UCKL1: variants seen among roughly 807,000 people sequenced by gnomAD.
UCKL1 encodes uridine-cytidine kinase-like 1.
Under a neutral mutation model 59.2 loss-of-function variants are expected in UCKL1, and 65 were observed. The ratio of observed to expected loss-of-function variants is 1.10; its 90% CI spans 0.90 to 1.35. UCKL1 has a LOEUF of 1.35. UCKL1 is among the 40% of genes most tolerant of loss of function. UCKL1 has a pLI of 0.00. For synonymous variants in UCKL1, 410 were observed against 323.1 expected, an observed-to-expected ratio of 1.27 and a Z score of -2.88; for missense variants, 703 against 784.3, an observed-to-expected ratio of 0.90 and a Z score of 1.24.
At position 63,944,666 on chromosome 20, in the gene UCKL1, G is replaced by A. The variant is rs758071475; in HGVS notation, c.723C>T (p.Asp241=). Residue 241 remains aspartate, a synonymous_variant, in exon 6 of 15, where the codon GAC becomes GAT. Coordinates refer to ENST00000354216, the MANE Select transcript of UCKL1 (RefSeq NM_017859.4). The part of the protein sequence containing the change: ...DIRLVRRLRR[D]ISERGRDIEG... ...CGATGTCCCGGCCGCGCTCACTGAT[G>A]TCCCGGCGCAGCCGCCGTACCAGGC... 2.5e-6 allele frequency: 4 copies of A among 1,612,772 alleles called. No individual in the cohort carries two copies. Among genetic ancestry groups the A allele is most frequent in the Non-Finnish European group, 3.4e-6 (4 of 1,179,956 alleles).
At chr20:63,954,639 A>T (rs2058259839) in intron 1 of UCKL1, 1 of 152,344 alleles carries the variant, frequency 6.6e-6, no homozygotes, top group Admixed American at 6.5e-5. Context: ...TGGCACAAGC[A>T]TCAGGACACA....
Position 63,940,966 on chromosome 20 carries a change from G to T in UCKL1, c.1100C>A (p.Ser367Tyr). Residue 367 changes from serine (S) to tyrosine (Y), a missense_variant, in exon 10 of 15, where the codon TCC becomes TAC. Around this residue, in one of 4 missense-constraint regions of UCKL1, gnomAD observed 156 missense variants for 185.6 expected, o/e 0.84. Transcript: ENST00000354216. ...GCTACGAACCTGAAAGGGCAGGAAG[G>T]AGAGCGCGTGCTCGATGAGCAGCCG... ...LMRLLIEHAL[S>Y]FLPFQDCVVQ... 6.6e-7 allele frequency: 1 copy of T among 1,524,438 alleles called. No individual in the cohort carries two copies. The highest frequency in any genetic ancestry group is 8.8e-7 in the Non-Finnish European group (1 of 1,134,272). The allele number at this position is 1,524,438 out of a possible 1,614,324, so 94.4% of individuals were successfully genotyped here. A position where few individuals can be genotyped will look rare whatever the true frequency, so the allele number is the denominator to read the frequency against.
intron 5 of UCKL1, among the ~76,000 whole-genome samples, chr20:63,945,049 C>A (rs1476701185): frequency 6.6e-6 from 1 of 152,174 alleles, no homozygotes; most frequent in African/African-American, 2.4e-5. Context: ...AGGAATCAGG[C>A]AGGAATGGGG....
At chr20:63,941,523 G>A (rs2054408868) in intron 8 of UCKL1, 2 of 394,440 alleles carry the variant, frequency 5.1e-6, no homozygotes, top group Non-Finnish European at 1.0e-5. Flanking sequence ...GAAGTGGGCC[G>A]GGCACAGGGC....
At chr20:63,956,125 G>C (rs1208364005) in intron 1 of UCKL1, 135 bp downstream of exon 1, 1 of 870,302 alleles carries the variant, frequency 1.1e-6, no homozygotes, top group African/African-American at 1.8e-5. Context: ...GCACGTGGGA[G>C]AACGGGGCGC....
At chr20:63,949,203 G>A (rs1357252387) in intron 1 of UCKL1, among the ~76,000 whole-genome samples, 1 of 152,184 alleles carries the variant, frequency 6.6e-6, no homozygotes, top group Non-Finnish European at 1.5e-5. Flanking sequence ...CTCGGCTCCG[G>A]AGATCGTTCT....
At chr20:63,944,117 G>A (rs894242222) in intron 7 of UCKL1, among the ~76,000 whole-genome samples, 1 of 152,224 alleles carries the variant, frequency 6.6e-6, no homozygotes, top group Non-Finnish European at 1.5e-5. Context: ...AAAAGCTCAG[G>A]CTGGGTGTGC....
In UCKL1 at chr20:63,946,602, C is replaced by G. The variant is rs146302159; in HGVS notation, c.155G>C (p.Gly52Ala). Residue 52 changes from glycine (G) to alanine (A), a missense_variant, in exon 2 of 15, where the codon GGC becomes GCC. By Grantham distance (60) the Gly-to-Ala change is moderately conservative (BLOSUM62 0). Around this residue, in one of 4 missense-constraint regions of UCKL1, gnomAD observed 398 missense variants for 373.0 expected, o/e 1.07. Coordinates refer to ENST00000354216, the MANE Select transcript of UCKL1 (RefSeq NM_017859.4). Reference sequence around the variant, plus strand: ...CCGCTTCCGGGGAGAGCGCCCAGTGCCCACAGGTGGCAGGAGCCTGTCCAG... The same window carrying G: ...CCGCTTCCGGGGAGAGCGCCCAGTGGCCACAGGTGGCAGGAGCCTGTCCAG... ...ESLDRLLPPVGTGRSPRKRTT... is the reference protein window; with the variant it reads ...ESLDRLLPPVATGRSPRKRTT... The G allele has an allele frequency of 1.7e-4, 280 of 1,610,672 alleles. No individual in the cohort carries two copies. Among genetic ancestry groups the G allele is most frequent in the Non-Finnish European group, 2.3e-4 (267 of 1,179,826 alleles).
chr20:63,940,453 G>A lies in UCKL1; in HGVS notation c.1335C>T (p.Ser445=), dbSNP rs1414399392. The A allele has an allele frequency of 2.5e-6, 4 of 1,611,944 alleles. No homozygotes were observed. Among genetic ancestry groups the A allele is most frequent in the African/African-American group, 1.3e-5 (1 of 74,924 alleles). The part of the protein sequence containing the change: ...LHYLRLPKDI[S]DDHVILMDCT... ...AGTCCATGAGGATCACGTGGTCATC[G>A]CTGATGTCCTTGGGCAGCCTCAGGT... Residue 445 remains serine, a synonymous_variant, in exon 13 of 15, where the codon AGC becomes AGT. Coordinates refer to ENST00000354216, the MANE Select transcript of UCKL1 (RefSeq NM_017859.4).
At chr20:63,942,605 C>G (rs776528835) in intron 8 of UCKL1, 1 of 693,240 alleles carries the variant, frequency 1.4e-6, no homozygotes, top group Admixed American at 3.0e-5. Context: ...GGGCGTTCCC[C>G]GCAGGCCTGA....
intron 5 of UCKL1, among the ~76,000 whole-genome samples, chr20:63,945,058 G>A (rs923050213): frequency 6.6e-6 from 1 of 152,228 alleles, no homozygotes; most frequent in South Asian, 2.1e-4. Flanking sequence ...GCAGGAATGG[G>A]GCTGGGCACA....
Position 63,941,127 on chromosome 20 carries a change from G to T in UCKL1, c.1005C>A (p.Gly335=). The T allele has an allele frequency of 6.3e-7, 1 of 1,597,510 alleles. No individual in the cohort carries two copies. Among genetic ancestry groups the T allele is most frequent in the Non-Finnish European group, 8.5e-7 (1 of 1,175,024 alleles). Residue 335 remains glycine (G), a synonymous_variant, in exon 9 of 15, where the codon GGC becomes GGA. Coordinates refer to ENST00000354216, the MANE Select transcript of UCKL1 (RefSeq NM_017859.4). The part of the protein sequence containing the change: ...SVLKSTPQVR[G]MHTIIRDKET... ...GCCCTCACCTGATGATGGTGTGCAT[G>T]CCCCGTACCTGCGGCGTGCTCTTCA...
chr20:63,943,366 G>C (rs2055200242), intron 8 of UCKL1, among the ~76,000 whole-genome samples: 1 of 152,188 alleles, frequency 6.6e-6, no homozygotes. Context: ...GTGCTCTCTG[G>C]GGTCAAATCC....
intron 1 of UCKL1, 57 bp from the exon 2 acceptor site, chr20:63,946,700 G>A (rs117348579): frequency 0.019 from 30,096 of 1,544,170 alleles, 354 homozygotes; most frequent in Non-Finnish European, 0.024. Context: ...CCAGGTACCC[G>A]CTGGCATGGC....
chr20:63,946,681 G>A (rs369744140), intron 1 of UCKL1, 38 bp from the exon 2 acceptor site: 6 of 1,586,944 alleles, frequency 3.8e-6, no homozygotes, highest in Admixed American at 1.7e-5. Flanking sequence ...GCCCAGAGCT[G>A]CCCACCTCCC....
chr20:63,944,572 G>T lies in UCKL1; in HGVS notation c.817C>A (p.Arg273Ser). The T allele has an allele frequency of 6.2e-7, 1 of 1,612,210 alleles. No homozygotes were observed. The highest frequency in any genetic ancestry group is 8.5e-7 in the Non-Finnish European group (1 of 1,179,548). The change falls in exon 6 of 15, where the codon CGC becomes AGC. Residue 273 changes from arginine to serine, a missense_variant. Coordinates refer to ENST00000354216, the MANE Select transcript of UCKL1 (RefSeq NM_017859.4). ...CTGGGGACCACGATGTCTGCCAGGCGCATGGTGGGCTGGATGTACTGGTCG... is the reference window on the plus strand; with the variant it reads ...CTGGGGACCACGATGTCTGCCAGGCTCATGGTGGGCTGGATGTACTGGTCG... ...SFDQYIQPTM[R>S]LADIVVPRGS... is the part of the protein sequence containing the mutation.
chr20:63,943,776 G>A lies in UCKL1; in HGVS notation c.907-107C>T, dbSNP rs1438902842. 6 of 1,532,286 alleles carry A rather than the reference G, an allele frequency of 3.9e-6. 1 individual carries two copies. In the South Asian group the frequency reaches 6.8e-5, roughly 17 times the overall value. The allele number at this position is 1,532,286 out of a possible 1,614,324, so 94.9% of individuals were successfully genotyped here. On this transcript the variant is annotated intron_variant, in intron 7 of 14. Coordinates refer to ENST00000354216, the MANE Select transcript of UCKL1 (RefSeq NM_017859.4). ...GAATGGACATGCTGCAGGCCCGCGG[G>A]GACACAGCCAGCCATGGGGGGTGGC...
chr20:63,948,882 G>A (rs1220233796), intron 1 of UCKL1, among the ~76,000 whole-genome samples: 5 of 152,000 alleles, frequency 3.3e-5, no homozygotes, highest in South Asian at 4.1e-4. Context: ...CATCTCCAGC[G>A]TGGGAACACT....
At chr20:63,944,324 T>C in intron 7 of UCKL1, 73 bp downstream of exon 7, 1 of 1,407,854 alleles carries the variant, frequency 7.1e-7, no homozygotes, top group South Asian at 1.3e-5. Flanking sequence ...ACCAGGCCAC[T>C]GGGGGTGGTG....
Sources: gnomAD v4.1 joint callset for allele counts (sites outside exome capture counted in the v4.1 genomes callset) on GRCh38, gnomAD v4.1.1 for gene constraint, gnomAD v4.1.1 regional missense constraint, MANE v1.5 for transcripts, NCBI Gene and HGNC (gene_info 2026-07-23, HGNC 2026-07-21) for gene names.